NEBL: variants seen among roughly 807,000 people sequenced by gnomAD.
The protein encoded by NEBL is nebulette.
In NEBL, 122 loss-of-function variants were observed where a neutral mutation model predicts 140.2. That is an observed-to-expected ratio of 0.87 (90% CI 0.75 to 1.01). The LOEUF (loss-of-function observed/expected upper bound fraction) is 1.01. Ranked by LOEUF, NEBL falls within the 50% of genes least tolerant of loss-of-function variation. The pLI is 0.00. For missense variants in NEBL, 1,365 were observed against 1,231.3 expected (o/e 1.11, Z -1.62); for synonymous variants, 436 against 398.9 (o/e 1.09, Z -1.11).
intron 2 of NEBL, among the ~76,000 whole-genome samples, chr10:21,162,887 A>G (rs1299452810): frequency 6.6e-6 from 1 of 152,262 alleles, no homozygotes; most frequent in Non-Finnish European, 1.5e-5. Flanking sequence ...TAAGAACAGC[A>G]TGAGTAAAGG....
intron 3 of NEBL, among the ~76,000 whole-genome samples, chr10:20,993,716 A>C (rs1315108514): frequency 6.6e-6 from 1 of 152,216 alleles, no homozygotes; most frequent in East Asian, 1.9e-4. Context: ...CCAATGGGGC[A>C]ACAGTACCTT....
At chr10:21,069,503 G>C (rs974499363) in intron 2 of NEBL, among the ~76,000 whole-genome samples, 8 of 152,142 alleles carry the variant, frequency 5.3e-5, no homozygotes, top group Non-Finnish European at 1.2e-4. Flanking sequence ...CACAGCGCCC[G>C]CCAGGAGAAT....
upstream of NEBL, chr10:20,899,336 T>TG (rs1847739875): frequency 8.7e-7 from 1 of 1,152,918 alleles, no homozygotes; most frequent in Non-Finnish European, 1.2e-6. Context: ...GAGACAGTAC[T>TG]GGTGTTACTC....
At chr10:20,813,647 T>A (rs909811691) in intron 23 of NEBL, 1 of 321,816 alleles carries the variant, frequency 3.1e-6, no homozygotes, top group East Asian at 6.0e-5. Context: ...CCAAATTTTG[T>A]CTTAGAATTA....
rs111809306 is a variant in NEBL at position 21,249,274 on chromosome 10, T to C, written n.280-1285A>G. 5.9e-5 allele frequency among the ~76,000 whole-genome samples: 9 copies of C among 152,354 alleles called. 2 individuals carry two copies. Among genetic ancestry groups the C allele is most frequent in the African/African-American group, 2.2e-4 (9 of 41,598 alleles). On this transcript the variant is annotated intron_variant and non_coding_transcript_variant, in intron 2 of 8. Transcript: ENST00000675702. ...ATATATTCTGGATATTAATCCTTTA[T>C]GAGATACGTGATTTGAAAGTATTTT...
Position 21,159,423 on chromosome 10 carries a change from CCTT to C in NEBL, c.164+12957_164+12959del, listed in dbSNP as rs1382148672. ...TTAAAAGGCTAGGTGTGGTGTGACT[CCTT>C]CTTTTGCTCTCCTGAACTTCAACAT... On this transcript the variant is annotated intron_variant, in intron 2 of 6. Transcript: ENST00000417816. Among the ~76,000 whole-genome samples, 40 of 152,254 alleles carry C rather than the reference CCTT, an allele frequency of 2.6e-4. No homozygotes were observed. The South Asian group carries it at 6.6e-3, about 25-fold the overall frequency.
chr10:20,952,926 GAAAAAGA>G (rs1835567486), intron 4 of NEBL, among the ~76,000 whole-genome samples: 2 of 104,382 alleles, frequency 1.9e-5, no homozygotes, highest in African/African-American at 6.9e-5. Context: ...AAAAAAAAAA[GAAAAAGA>G]AAAAAGAAAA....
chr10:21,272,118 A>ATTTTTTTTTTTTTTTTTTTTT (rs10678454), intron 1 of NEBL, among the ~76,000 whole-genome samples: 12 of 79,096 alleles, frequency 1.5e-4, no homozygotes, highest in Non-Finnish European at 2.5e-4. Context: ...CACTTGGTTA[A>ATTTTTTTTTTTTTTTTTTTTT]TTTTTTTTTT....
At chr10:21,041,215 C>A (rs984820225) in intron 2 of NEBL, among the ~76,000 whole-genome samples, 1 of 152,180 alleles carries the variant, frequency 6.6e-6, no homozygotes, top group Non-Finnish European at 1.5e-5. Context: ...CCACGCTCCA[C>A]CCTCAAGTAG....
intron 3 of NEBL, among the ~76,000 whole-genome samples, chr10:21,190,426 T>C (rs1841552497): frequency 1.3e-5 from 2 of 152,158 alleles, no homozygotes; most frequent in Middle Eastern, 3.4e-3. Context: ...AGAGGCTACA[T>C]TGAGCTATGA....
intron 2 of NEBL, among the ~76,000 whole-genome samples, chr10:21,053,822 C>T (rs892190816): frequency 6.6e-6 from 1 of 152,200 alleles, no homozygotes; most frequent in South Asian, 2.1e-4. Context: ...CACTTGAGGT[C>T]AAGAGTTCGA....
rs117901859 is a variant in NEBL, at chr10:21,262,651, C to T, written n.183-10823G>A. ...TCACAATTTTTAAAAGAAATTTCCCCAGAAAAGCCTCATTTCCAAGAGAAG... is the reference window on the plus strand; with the variant it reads ...TCACAATTTTTAAAAGAAATTTCCCTAGAAAAGCCTCATTTCCAAGAGAAG... On this transcript the variant is annotated intron_variant and non_coding_transcript_variant, in intron 1 of 8. Coordinates refer to the NEBL transcript ENST00000675702. Among the ~76,000 whole-genome samples, 1,351 of 152,264 alleles carry T rather than the reference C, an allele frequency of 8.9e-3. 15 individuals carry two copies. The highest frequency in any genetic ancestry group is 0.015 in the Non-Finnish European group (1,014 of 68,026).
At chr10:21,066,933 A>G (rs1265602529) in intron 2 of NEBL, among the ~76,000 whole-genome samples, 2 of 151,740 alleles carry the variant, frequency 1.3e-5, no homozygotes, top group Admixed American at 1.3e-4. Flanking sequence ...TAGGACACAA[A>G]AGATGCTTAA....
intron 9 of NEBL, among the ~76,000 whole-genome samples, chr10:20,856,890 A>T (rs1843134447): frequency 6.6e-6 from 1 of 152,102 alleles, no homozygotes; most frequent in African/African-American, 2.4e-5. Context: ...GCTGGAGCAC[A>T]TTGGTGCCAT....
rs538943067 is a variant in NEBL at position 20,998,697 on chromosome 10, A to G, written c.249+21420T>C. Among the ~76,000 whole-genome samples, 4 of 152,324 alleles carry G rather than the reference A, an allele frequency of 2.6e-5. No individual in the cohort carries two copies. In the South Asian group the frequency reaches 8.3e-4, roughly 32 times the overall value. ...CAATAATGCACACAGCAATAATACT[A>G]TCCAATCTGCATATTACATTAAAAA... is the stretch of plus-strand genomic sequence containing the variant. On this transcript the variant is annotated intron_variant, in intron 3 of 6. Transcript: ENST00000417816.
chr10:21,171,359 A>G (rs1244618816), intron 2 of NEBL, among the ~76,000 whole-genome samples: 2 of 138,930 alleles, frequency 1.4e-5, no homozygotes, highest in Admixed American at 1.4e-4. Flanking sequence ...AGAAAAAAAA[A>G]AAAGAAAGAA....
intron 4 of NEBL, among the ~76,000 whole-genome samples, chr10:20,940,838 G>C (rs1162517718): frequency 3.9e-5 from 6 of 152,206 alleles, no homozygotes; most frequent in Admixed American, 1.3e-4. Flanking sequence ...AAATCTAGAA[G>C]AAATGGATAA....
chr10:20,868,810 A>G (rs373168039), intron 6 of NEBL, 45 bp from the exon 7 acceptor site: 81 of 1,333,116 alleles, frequency 6.1e-5, no homozygotes, highest in Non-Finnish European at 7.8e-5. Flanking sequence ...CTACCCTCCA[A>G]TGATGAACTA....
intron 2 of NEBL, among the ~76,000 whole-genome samples, chr10:21,096,537 A>G (rs12268894): frequency 0.012 from 1,750 of 147,440 alleles, 24 homozygotes; most frequent in African/African-American, 0.043. Flanking sequence ...GTTTTGAGAC[A>G]GGGTCTCAGT....
Sources: allele counts gnomAD v4.1 joint callset (sites outside exome capture counted in the v4.1 genomes callset), GRCh38; gene constraint gnomAD v4.1.1; transcripts MANE v1.5; gene names NCBI Gene and HGNC (gene_info 2026-07-23, HGNC 2026-07-21).